Variants in STYXL2 observed in about 807,000 individuals in gnomAD.
STYXL2 encodes serine/threonine/tyrosine interacting like 2.
STYXL2 carries 44 observed loss-of-function variants against 52.4 expected under a neutral mutation model. The ratio of observed to expected loss-of-function variants is 0.84; its 90% confidence interval spans 0.66 to 1.08. The LOEUF (loss-of-function observed/expected upper bound fraction) is 1.08, where lower values mean the gene tolerates loss of function less well. Ranked by LOEUF, STYXL2 falls within the 50% of genes least tolerant of loss-of-function variation. The pLI is 0.00. For missense variants in STYXL2, 1,604 were observed against 1,471.7 expected (o/e 1.09, Z -1.47); for synonymous variants, 604 against 586.9 (o/e 1.03, Z -0.42).
intron 4 of STYXL2, among the ~76,000 whole-genome samples, chr1:167,118,598 T>C (rs1009036616): frequency 6.6e-6 from 1 of 152,202 alleles, no homozygotes; most frequent in Admixed American, 6.5e-5. Flanking sequence ...CTAAAAGCTT[T>C]TGTTCCTTCT....
At chr1:167,100,318 C>G (rs1265170743) in intron 2 of STYXL2, among the ~76,000 whole-genome samples, 1 of 152,184 alleles carries the variant, frequency 6.6e-6, no homozygotes, top group Non-Finnish European at 1.5e-5. Context: ...CCATTGGAGA[C>G]CAAGCCTCAA....
At chr1:167,114,910 TC>T (rs140010910) in intron 3 of STYXL2, among the ~76,000 whole-genome samples, 2,643 of 152,276 alleles carry the variant, frequency 0.017, 29 homozygotes, top group Non-Finnish European at 0.027. Context: ...CTCTAGAAAG[TC>T]TTTTCTTCCT....
At chr1:167,099,635 T>A (rs1464546533) in intron 2 of STYXL2, among the ~76,000 whole-genome samples, 5 of 152,226 alleles carry the variant, frequency 3.3e-5, no homozygotes, top group Admixed American at 6.5e-5. Context: ...CAAATATTAA[T>A]GAAGATGTGA....
chr1:167,097,184 C>G (rs1458997880), intron 2 of STYXL2, among the ~76,000 whole-genome samples: 1 of 152,176 alleles, frequency 6.6e-6, no homozygotes, highest in Non-Finnish European at 1.5e-5. Context: ...TCCATAGCCA[C>G]GTTGAAGACA....
At chr1:167,096,277 T>G (rs1159684822) in intron 2 of STYXL2, among the ~76,000 whole-genome samples, 4 of 151,702 alleles carry the variant, frequency 2.6e-5, no homozygotes, top group Non-Finnish European at 4.4e-5. Flanking sequence ...GAAAAGAAAA[T>G]TCAGCATTAT....
Position 167,126,528 on chromosome 1 carries a change from G to T in STYXL2, c.1397G>T (p.Arg466Leu), listed in dbSNP as rs6668826. ...ELNRPDHGRR[R>L]RADSMSSEST... is the part of the protein sequence containing the mutation. ...AACCGCCCGGACCACGGCAGGAGGC[G>T]CCGCGCAGACTCGATGTCCTCGGAG... Residue 466 changes from arginine (R) to leucine (L), a missense_variant, in exon 6 of 6, where the codon CGC (arginine) becomes CTC (leucine). Coordinates refer to ENST00000361200, the MANE Select transcript of STYXL2 (RefSeq NM_001080426.3). 120 of 1,612,468 alleles carry T rather than the reference G, an allele frequency of 7.4e-5. No individual in the cohort carries two copies. The African/African-American group carries it at 1.4e-3, about 19-fold the overall frequency.
Position 167,129,086 on chromosome 1 carries a change from T to C in STYXL2, c.*478T>C, listed in dbSNP as rs1668039988. ...CAATGCTCAGTTCTGATTTTTTTTT[T>C]TTTAATGTTTTGAGTCTCCATTAAA... On this transcript the variant is annotated 3_prime_UTR_variant, in exon 6 of 6. Coordinates refer to ENST00000361200, the MANE Select transcript of STYXL2 (RefSeq NM_001080426.3). The C allele has an allele frequency of 6.5e-6, 1 of 153,886 alleles. No homozygotes were observed. Among genetic ancestry groups the C allele is most frequent in the African/African-American group, 2.4e-5 (1 of 41,426 alleles). 9.5% of individuals were successfully genotyped at this position (153,886 alleles called of 1,614,324 possible). A position where few individuals can be genotyped will look rare whatever the true frequency, so the allele number is the denominator to read the frequency against.
At chr1:167,124,792 T>C (rs908890552) in intron 5 of STYXL2, among the ~76,000 whole-genome samples, 2 of 152,028 alleles carry the variant, frequency 1.3e-5, no homozygotes, top group Non-Finnish European at 2.9e-5. Context: ...ATAACTTGAG[T>C]TCATTGTGTG....
chr1:167,111,861 C>T (rs1000885444), intron 2 of STYXL2, among the ~76,000 whole-genome samples: 2 of 152,012 alleles, frequency 1.3e-5, no homozygotes, highest in African/African-American at 4.8e-5. Context: ...GTCCATGTAA[C>T]CAAACCTGTT....
chr1:167,128,677 C>G lies in STYXL2; in HGVS notation c.*69C>G, dbSNP rs1668029709. The G allele has an allele frequency of 2.8e-5, 42 of 1,507,688 alleles. No individual in the cohort carries two copies. The South Asian group carries it at 5.6e-4, about 20-fold the overall frequency. 93.4% of individuals were successfully genotyped at this position (1,507,688 alleles called of 1,614,324 possible). On this transcript the variant is annotated 3_prime_UTR_variant, in exon 6 of 6. Coordinates refer to ENST00000361200, the MANE Select transcript of STYXL2 (RefSeq NM_001080426.3). ...GCATAGGGCTCAGGGCACACGTTGC[C>G]ACCACTCATCGCAGGATGAGGATAC...
chr1:167,124,888 T>A (rs1216776342), intron 5 of STYXL2, among the ~76,000 whole-genome samples: 1 of 151,138 alleles, frequency 6.6e-6, no homozygotes, highest in Admixed American at 6.6e-5. Flanking sequence ...CATTCTACTC[T>A]ATGTGAGTGA....
Position 167,112,561 on chromosome 1 carries a change from T to C in STYXL2, c.111-1149T>C, listed in dbSNP as rs985712378. Among the ~76,000 whole-genome samples, 12 of 152,310 alleles carry C rather than the reference T, an allele frequency of 7.9e-5. No homozygotes were observed. In the East Asian group the frequency reaches 1.2e-3, roughly 15 times the overall value. On this transcript the variant is annotated intron_variant, in intron 2 of 5. Coordinates refer to ENST00000361200, the MANE Select transcript of STYXL2 (RefSeq NM_001080426.3). ...AAGTACTTACCTGTCAAAGTCTGCA[T>C]TGAGTCTGGGAATCCAGCTGGGGTT...
intron 1 of STYXL2, chr1:167,094,435 T>C (rs1359772126): frequency 1.0e-5 from 2 of 195,146 alleles, no homozygotes; most frequent in Non-Finnish European, 2.1e-5. Flanking sequence ...GGTGTGCGCA[T>C]GGGCATAGGT....
chr1:167,125,994 G>T lies in STYXL2; in HGVS notation c.863G>T (p.Arg288Leu). 2 of 1,611,254 alleles carry T rather than the reference G, an allele frequency of 1.2e-6. No individual in the cohort carries two copies. The highest frequency in any genetic ancestry group is 1.7e-6 in the Non-Finnish European group (2 of 1,178,716). The change falls in exon 6 of 6, where the codon CGG becomes CTG. Residue 288 changes from arginine to leucine, a missense_variant. Coordinates refer to ENST00000361200, the MANE Select transcript of STYXL2 (RefSeq NM_001080426.3). ...GAGGAGAGAGAAGAGGACTATGGCC[G>T]GGAGGGGGGATCAGCTGAGGCTGAG... is the stretch of plus-strand genomic sequence containing the variant. Reference protein sequence around the residue: ...LMEEREEDYGREGGSAEAEEG... With the variant: ...LMEEREEDYGLEGGSAEAEEG...
chr1:167,104,170 C>T (rs2102226083), intron 2 of STYXL2, among the ~76,000 whole-genome samples: 1 of 152,018 alleles, frequency 6.6e-6, no homozygotes, highest in Middle Eastern at 3.4e-3. Flanking sequence ...CTGCCCGTCC[C>T]CCCACCCCCC....
intron 4 of STYXL2, 33 bp from the exon 5 acceptor site, chr1:167,119,216 C>T: frequency 1.2e-6 from 2 of 1,605,840 alleles, no homozygotes; most frequent in Non-Finnish European, 8.5e-7. Context: ...CTAGTTCCGA[C>T]TCTTGCAAAC....
chr1:167,095,098 TC>T (rs1273765569), intron 2 of STYXL2, 139 bp downstream of exon 2: 3 of 639,108 alleles, frequency 4.7e-6, no homozygotes, highest in Non-Finnish European at 8.4e-6. Context: ...CTTGTATGTG[TC>T]CTACTTTCTG....
chr1:167,127,736 T>C lies in STYXL2; in HGVS notation c.2605T>C (p.Phe869Leu), dbSNP rs761259983. Reference protein sequence around the residue: ...LASDNKRSSLFKKKKVKEDED... With the variant: ...LASDNKRSSLLKKKKVKEDED... ...CTCAGACAACAAACGCAGCTCCCTC[T>C]TCAAGAAGAAGAAGGTCAAGGAAGA... The change falls in exon 6 of 6, where the codon TTC becomes CTC. Residue 869 changes from phenylalanine (F) to leucine (L), a missense_variant. Transcript: ENST00000361200. The C allele has an allele frequency of 1.6e-5, 26 of 1,613,928 alleles. No homozygotes were observed. Among genetic ancestry groups the C allele is most frequent in the Non-Finnish European group, 2.2e-5 (26 of 1,180,012 alleles).
chr1:167,110,977 T>C (rs1219258015), intron 2 of STYXL2, among the ~76,000 whole-genome samples: 1 of 152,186 alleles, frequency 6.6e-6, no homozygotes, highest in African/African-American at 2.4e-5. Context: ...GCCATTGAGA[T>C]GCTTTCTCTC....
Sources: allele counts gnomAD v4.1 joint callset (sites outside exome capture counted in the v4.1 genomes callset), GRCh38; gene constraint gnomAD v4.1.1; transcripts MANE v1.5; gene names NCBI Gene and HGNC (gene_info 2026-07-23, HGNC 2026-07-21).